The following IFT74 variants were observed in gnomAD, a reference collection of about 807,000 sequenced individuals.
IFT74 encodes the protein intraflagellar transport 74.
A neutral mutation model predicts 96.7 loss-of-function variants in IFT74; 92 were observed. The ratio of observed to expected loss-of-function variants is 0.95; its 90% CI spans 0.80 to 1.13. The LOEUF is 1.13. IFT74 is among the 50% of genes most tolerant of loss of function. The pLI is 0.00. For missense variants in IFT74, 811 were observed against 698.2 expected (o/e 1.16, Z -1.82); for synonymous variants, 223 against 213.2 (o/e 1.05, Z -0.40).
At chr9:27,033,935 A>G (rs1430685071) in intron 13 of IFT74, among the ~76,000 whole-genome samples, 2 of 152,182 alleles carry the variant, frequency 1.3e-5, no homozygotes, top group South Asian at 2.1e-4. Context: ...TTGTCAGTCA[A>G]GATAAGGTAC....
chr9:26,988,860 C>T lies in IFT74; in HGVS notation c.525+132C>T, dbSNP rs141489696. The T allele has an allele frequency of 2.2e-3, 1,781 of 823,592 alleles. 25 individuals are homozygous for T. In the African/African-American group the frequency reaches 0.029, roughly 13 times the overall value. 51.0% of individuals were successfully genotyped at this position (823,592 alleles called of 1,614,324 possible). A position where few individuals can be genotyped will look rare whatever the true frequency, so the allele number is the denominator to read the frequency against. ...AATATTACTCTGATTGTAAATACCA[C>T]TATTAGGTATTCCTTGAGCTCCCTT... On this transcript the variant is annotated intron_variant, in intron 7 of 19. Coordinates refer to ENST00000380062, the MANE Select transcript of IFT74 (RefSeq NM_025103.4).
At chr9:27,019,404 A>C (rs999849107) in intron 12 of IFT74, among the ~76,000 whole-genome samples, 8 of 151,996 alleles carry the variant, frequency 5.3e-5, no homozygotes, top group African/African-American at 1.9e-4. Context: ...TCTGTGTGTC[A>C]GGATGCTTTC....
chr9:26,948,350 C>T (rs774608853), intron 1 of IFT74, among the ~76,000 whole-genome samples: 2 of 151,586 alleles, frequency 1.3e-5, no homozygotes, highest in Non-Finnish European at 2.9e-5. Context: ...TCTACCCCTT[C>T]TCTCCAGCCA....
chr9:27,020,473 T>TG (rs1379813511), intron 12 of IFT74, among the ~76,000 whole-genome samples: 2 of 150,986 alleles, frequency 1.3e-5, no homozygotes, highest in Non-Finnish European at 3.0e-5. Context: ...TATTTCTTTT[T>TG]TTTTTTTTTC....
intron 8 of IFT74, among the ~76,000 whole-genome samples, chr9:27,007,623 AT>A (rs923890292): frequency 2.6e-5 from 4 of 151,958 alleles, no homozygotes; most frequent in African/African-American, 7.2e-5. Context: ...TTATTTTGAG[AT>A]TTTTTTTGGT....
chr9:26,997,976 G>C, intron 8 of IFT74: 5 of 1,613,882 alleles, frequency 3.1e-6, no homozygotes, highest in Non-Finnish European at 4.2e-6. Flanking sequence ...GCCTAAAAAT[G>C]CACCCTGTTG....
At chr9:27,009,841 A>C (rs1828966305) in intron 9 of IFT74, among the ~76,000 whole-genome samples, 2 of 152,098 alleles carry the variant, frequency 1.3e-5, no homozygotes, top group African/African-American at 4.8e-5. Context: ...TTTTTTATTG[A>C]TACACAATTG....
At chr9:26,968,481 T>C (rs936667606) in intron 2 of IFT74, among the ~76,000 whole-genome samples, 1 of 152,108 alleles carries the variant, frequency 6.6e-6, no homozygotes, top group African/African-American at 2.4e-5. Flanking sequence ...AGGCTAGTCT[T>C]GAACTCCTGA....
intron 12 of IFT74, among the ~76,000 whole-genome samples, chr9:27,022,854 G>C (rs1348125414): frequency 6.6e-6 from 1 of 152,004 alleles, no homozygotes; most frequent in African/African-American, 2.4e-5. Context: ...TGTTAGCCAG[G>C]ATGGTCTTGA....
intron 2 of IFT74, 103 bp downstream of exon 2, chr9:26,962,190 C>G (rs1826396875): frequency 8.8e-7 from 1 of 1,138,874 alleles, no homozygotes; most frequent in Non-Finnish European, 1.2e-6. Flanking sequence ...GCCACTGCAC[C>G]CCAGTTTTTG....
rs372505229 is a variant in IFT74, at chr9:27,047,369, C to G, written c.1204C>G (p.Arg402Gly). Residue 402 changes from arginine to glycine, a missense_variant and splice_region_variant, in exon 15 of 20, where the codon CGA becomes GGA. Coordinates refer to ENST00000380062, the MANE Select transcript of IFT74 (RefSeq NM_025103.4). ...TGTTGCACTCTTGGAGCACTGCAGT[C>G]GAGTGAGTACCATGTGCCTGTCTTG... ...NIVALLEHCS[R>G]NINRIEQISS... 4.5e-5 allele frequency: 72 copies of G among 1,589,626 alleles called. No homozygotes were observed. The highest frequency in any genetic ancestry group is 6.0e-5 in the Non-Finnish European group (70 of 1,160,768).
intron 19 of IFT74, among the ~76,000 whole-genome samples, chr9:27,061,472 G>T (rs1438748453): frequency 6.6e-6 from 1 of 151,846 alleles, no homozygotes; most frequent in Non-Finnish European, 1.5e-5. Context: ...TTAGAGACAG[G>T]GGTCTCGCCA....
At chr9:27,013,424 T>C (rs1158325709) in intron 10 of IFT74, among the ~76,000 whole-genome samples, 1 of 152,214 alleles carries the variant, frequency 6.6e-6, no homozygotes. Context: ...TATCATAAGA[T>C]TGAATTCTCA....
intron 8 of IFT74, among the ~76,000 whole-genome samples, chr9:27,007,002 A>G (rs1263265762): frequency 5.3e-5 from 8 of 151,424 alleles, no homozygotes; most frequent in Admixed American, 5.3e-4. Context: ...ACGCCCAGCT[A>G]ATTTTTTTGT....
chr9:26,960,755 T>C (rs1411479799), intron 1 of IFT74, among the ~76,000 whole-genome samples: 1 of 152,018 alleles, frequency 6.6e-6, no homozygotes, highest in African/African-American at 2.4e-5. Context: ...GAGAATAGAG[T>C]ATTTCAATTA....
intron 13 of IFT74, 67 bp from the exon 14 acceptor site, chr9:27,044,675 G>T: frequency 1.1e-6 from 1 of 881,408 alleles, no homozygotes; most frequent in South Asian, 1.5e-5. Context: ...ACCAAAGAGA[G>T]ATTTTTAATT....
intron 4 of IFT74, among the ~76,000 whole-genome samples, 199 bp downstream of exon 4, chr9:26,980,818 A>T (rs915740749): frequency 2.3e-4 from 35 of 152,236 alleles, no homozygotes; most frequent in African/African-American, 6.3e-4. Context: ...TAAATGTGAT[A>T]GTATAATTAG....
chr9:26,949,462 G>A (rs535475588), intron 1 of IFT74, among the ~76,000 whole-genome samples: 1 of 152,146 alleles, frequency 6.6e-6, no homozygotes, highest in Non-Finnish European at 1.5e-5. Flanking sequence ...AATCAAGTAA[G>A]TATATTTTCT....
At position 26,978,228 on chromosome 9, in the gene IFT74, A is replaced by G. The variant is rs748229410; in HGVS notation, c.221A>G (p.Gln74Arg). 4 of 1,613,568 alleles carry G rather than the reference A, an allele frequency of 2.5e-6. No individual in the cohort carries two copies. The highest frequency in any genetic ancestry group is 1.1e-5 in the South Asian group (1 of 91,014). Residue 74 changes from glutamine (Q) to arginine (R), a missense_variant, in exon 3 of 20, where the codon CAA (glutamine) becomes CGA (arginine). Transcript: ENST00000380062. Reference protein sequence around the residue: ...QIKVAHRPVTQQGLTGMKTGT... With the variant: ...QIKVAHRPVTRQGLTGMKTGT... ...AAAGTTGCCCATCGCCCTGTAACAC[A>G]ACAAGGTTTGACTGGAATGAAAACT... is the stretch of plus-strand genomic sequence containing the variant.
Sources: allele counts gnomAD v4.1 joint callset (sites outside exome capture counted in the v4.1 genomes callset), GRCh38; gene constraint gnomAD v4.1.1; transcripts MANE v1.5; gene names NCBI Gene and HGNC (gene_info 2026-07-23, HGNC 2026-07-21).